Variants in FHOD3 observed in about 807,000 individuals in gnomAD.
FHOD3 encodes FH1/FH2 domain-containing protein 3.
A neutral mutation model predicts 173.0 loss-of-function variants in FHOD3; 90 were observed. The ratio of observed to expected loss-of-function variants is 0.52; its 90% CI spans 0.44 to 0.62. The LOEUF (loss-of-function observed/expected upper bound fraction) is 0.62. Ranked by LOEUF, FHOD3 falls within the 20% of genes least tolerant of loss-of-function variation. The pLI is 0.00. For missense variants in FHOD3, 1,945 were observed against 2,034.7 expected (o/e 0.96, Z 0.85); for synonymous variants, 828 against 823.0 (o/e 1.01, Z -0.10).
chr18:36,367,262 A>G (rs998237704), intron 2 of FHOD3, among the ~76,000 whole-genome samples: 1 of 152,092 alleles, frequency 6.6e-6, no homozygotes, highest in African/African-American at 2.4e-5. Flanking sequence ...GGTTTCCTTG[A>G]GTTGCTTATC....
In FHOD3 at chr18:36,730,774, T is replaced by C; in HGVS notation, c.3546T>C (p.Asp1182=). The stretch of plus-strand genomic sequence containing the variant: ...TTAAGATCGCCATTTTGAATTTTGA[T>C]GAGTATGCCTTAAACAAAGAAGGAA... The part of the protein sequence containing the change: ...RTIKIAILNF[D]EYALNKEGIE... The change falls in exon 20 of 29, where the codon GAT becomes GAC. Residue 1182 remains aspartate, a synonymous_variant. Coordinates refer to ENST00000590592, the MANE Select transcript of FHOD3 (RefSeq NM_001281740.3). 6 of 1,614,150 alleles carry C rather than the reference T, an allele frequency of 3.7e-6. No homozygotes were observed. The highest frequency in any genetic ancestry group is 5.1e-6 in the Non-Finnish European group (6 of 1,180,002).
intron 5 of FHOD3, among the ~76,000 whole-genome samples, chr18:36,561,262 C>T (rs1350166047): frequency 6.6e-6 from 1 of 152,176 alleles, no homozygotes; most frequent in East Asian, 1.9e-4. Context: ...CTAATGAACA[C>T]GTAATTACAG....
chr18:36,600,212 A>G (rs1275531271), intron 7 of FHOD3, among the ~76,000 whole-genome samples: 2 of 150,482 alleles, frequency 1.3e-5, no homozygotes, highest in Non-Finnish European at 2.9e-5. Context: ...GGCTAGCATT[A>G]TATGGTTTAT....
At chr18:36,311,624 G>T (rs2092260034) in intron 1 of FHOD3, among the ~76,000 whole-genome samples, 1 of 152,152 alleles carries the variant, frequency 6.6e-6, no homozygotes, top group Non-Finnish European at 1.5e-5. Flanking sequence ...CAGCATTGTA[G>T]TCCCTTCCCT....
intron 1 of FHOD3, among the ~76,000 whole-genome samples, chr18:36,339,187 C>T (rs916526871): frequency 6.6e-6 from 1 of 152,114 alleles, no homozygotes; most frequent in Non-Finnish European, 1.5e-5. Context: ...CAGGAATCTG[C>T]ACTTTGAATG....
intron 5 of FHOD3, among the ~76,000 whole-genome samples, chr18:36,526,170 C>T (rs1376962962): frequency 1.3e-5 from 2 of 152,190 alleles, no homozygotes; most frequent in African/African-American, 4.8e-5. Flanking sequence ...CAAGGCCCCT[C>T]GTCGTAAGGA....
At chr18:36,774,706 A>G (rs781322396) in intron 28 of FHOD3, among the ~76,000 whole-genome samples, 2 of 152,236 alleles carry the variant, frequency 1.3e-5, no homozygotes, top group East Asian at 1.9e-4. Flanking sequence ...CAAAAATAGT[A>G]GGACAATTTA....
intron 9 of FHOD3, among the ~76,000 whole-genome samples, chr18:36,624,990 C>T (rs1334324567): frequency 6.6e-6 from 1 of 152,180 alleles, no homozygotes; most frequent in African/African-American, 2.4e-5. Context: ...TGCTGTGGCA[C>T]TAGTCCTCTT....
intron 3 of FHOD3, among the ~76,000 whole-genome samples, chr18:36,471,119 A>G (rs895382992): frequency 6.6e-6 from 1 of 152,214 alleles, no homozygotes; most frequent in Admixed American, 6.5e-5. Flanking sequence ...GGCAGCGGGT[A>G]TGCGCTTTGG....
chr18:36,720,734 T>TCC (rs1263483040), intron 19 of FHOD3, among the ~76,000 whole-genome samples: 133 of 118,382 alleles, frequency 1.1e-3, no homozygotes, highest in African/African-American at 4.1e-3. Context: ...CTCCTTCTTC[T>TCC]TCTCCTCCTC....
At chr18:36,368,032 C>T (rs986551374) in intron 2 of FHOD3, among the ~76,000 whole-genome samples, 3 of 152,044 alleles carry the variant, frequency 2.0e-5, no homozygotes, top group African/African-American at 7.2e-5. Flanking sequence ...GTCAACTGAA[C>T]CTCTTTCCTT....
chr18:36,520,219 A>G (rs966834429), intron 5 of FHOD3, among the ~76,000 whole-genome samples: 1 of 152,184 alleles, frequency 6.6e-6, no homozygotes, highest in African/African-American at 2.4e-5. Flanking sequence ...TTGGCTTCCC[A>G]AAGTGCTAGG....
At position 36,658,020 on chromosome 18, in the gene FHOD3, C is replaced by T. The variant is rs2036535277; in HGVS notation, c.1722-55C>T. ...TGGTTTGCTAAGTCTTATTTACTGACTTGTACTTATTTCTCTATCCTTTTC... is the reference window on the plus strand; with the variant it reads ...TGGTTTGCTAAGTCTTATTTACTGATTTGTACTTATTTCTCTATCCTTTTC... On this transcript the variant is annotated intron_variant, in intron 13 of 28. Coordinates refer to ENST00000590592, the MANE Select transcript of FHOD3 (RefSeq NM_001281740.3). 3.8e-6 allele frequency: 5 copies of T among 1,310,076 alleles called. No homozygotes were observed. In the East Asian group the frequency reaches 9.7e-5, roughly 25 times the overall value. The allele number at this position is 1,310,076 out of a possible 1,614,324, so 81.2% of individuals were successfully genotyped here.
chr18:36,391,959 G>A (rs866300978), intron 3 of FHOD3, among the ~76,000 whole-genome samples: 29 of 152,258 alleles, frequency 1.9e-4, no homozygotes, highest in Admixed American at 9.2e-4. Flanking sequence ...GCTGAGATGG[G>A]GCATGTAAAG....
At chr18:36,735,533 G>A (rs1208331093) in intron 20 of FHOD3, among the ~76,000 whole-genome samples, 6 of 152,208 alleles carry the variant, frequency 3.9e-5, no homozygotes, top group Non-Finnish European at 7.3e-5. Context: ...ATCCAGCTTA[G>A]CTTCAGGCAA....
intron 16 of FHOD3, among the ~76,000 whole-genome samples, chr18:36,688,182 C>A (rs1055875555): frequency 6.6e-5 from 10 of 152,170 alleles, no homozygotes; most frequent in African/African-American, 2.4e-4. Context: ...GTTTTCACCC[C>A]CAGCTCTTTA....
chr18:36,459,512 G>A lies in FHOD3; in HGVS notation c.338-42420G>A, dbSNP rs1484398019. Among the ~76,000 whole-genome samples the A allele has an allele frequency of 3.9e-5, 6 of 152,076 alleles. No homozygotes were observed. In the South Asian group the frequency reaches 8.3e-4, roughly 21 times the overall value. On this transcript the variant is annotated intron_variant, in intron 3 of 28. Transcript: ENST00000590592. ...TCCTCCTATGAAACCTTCATTATGC[G>A]GTGTGGTGAGGCCTTCACAGACAGC...
intron 5 of FHOD3, among the ~76,000 whole-genome samples, chr18:36,539,623 A>G (rs946376750): frequency 6.6e-6 from 1 of 152,210 alleles, no homozygotes; most frequent in African/African-American, 2.4e-5. Flanking sequence ...GCTCTTGGCC[A>G]AGTTGTGATG....
intron 3 of FHOD3, among the ~76,000 whole-genome samples, chr18:36,430,990 T>A (rs79883836): frequency 0.012 from 1,795 of 152,252 alleles, 23 homozygotes; most frequent in Non-Finnish European, 0.019. Context: ...GATACAAAGC[T>A]GATAGGGATA....
Sources: allele counts gnomAD v4.1 joint callset (sites outside exome capture counted in the v4.1 genomes callset), GRCh38; gene constraint gnomAD v4.1.1; transcripts MANE v1.5; gene names NCBI Gene and HGNC (gene_info 2026-07-23, HGNC 2026-07-21).